Variants in KLHL13 observed in about 807,000 individuals in gnomAD.
KLHL13 encodes kelch-like protein 13.
A neutral mutation model predicts 37.1 loss-of-function variants in KLHL13; 10 were observed. That is an observed-to-expected ratio of 0.27 (90% CI 0.17 to 0.46). The LOEUF (loss-of-function observed/expected upper bound fraction) is 0.46. KLHL13 is among the 20% of genes least tolerant of loss of function. The probability of loss-of-function intolerance (pLI) is 1.00; values close to 1 mark genes in which losing one functional copy is unlikely to be tolerated. For synonymous variants in KLHL13, 163 were observed against 181.2 expected, an observed-to-expected ratio of 0.90 and a Z score of 0.81; for missense variants, 360 against 509.3, an observed-to-expected ratio of 0.71 and a Z score of 2.82.
At chrX:117,938,695 T>G (rs1468143031) in intron 2 of KLHL13, among the ~76,000 whole-genome samples, 1 of 111,592 alleles carries the variant, frequency 9.0e-6, no homozygotes, top group Admixed American at 9.5e-5. Flanking sequence ...TTACATTAGG[T>G]AGGAGTATAG....
intron 1 of KLHL13, among the ~76,000 whole-genome samples, chrX:118,059,439 A>T (rs758731170): frequency 2.7e-5 from 3 of 111,373 alleles, no homozygotes; most frequent in Admixed American, 1.9e-4. Flanking sequence ...AGCTATATCA[A>T]TCATCTTAAC....
chrX:118,007,370 CAAAAAAAAA>C (rs57382655), intron 1 of KLHL13, among the ~76,000 whole-genome samples: 1 of 46,598 alleles, frequency 2.1e-5, no homozygotes, highest in African/African-American at 5.8e-5. Context: ...GAGACCCTGT[CAAAAAAAAA>C]AAAAAAAAAA....
chrX:117,958,247 A>G (rs2053235509), intron 1 of KLHL13, among the ~76,000 whole-genome samples: 1 of 111,864 alleles, frequency 8.9e-6, no homozygotes, highest in Non-Finnish European at 1.9e-5. Flanking sequence ...CTATACATAC[A>G]TAACTACCTG....
At chrX:118,057,399 A>G (rs1020258491) in intron 1 of KLHL13, among the ~76,000 whole-genome samples, 7 of 112,707 alleles carry the variant, frequency 6.2e-5, no homozygotes, top group Non-Finnish European at 1.1e-4. Flanking sequence ...ACTCTTAGAT[A>G]AAAACAAATT....
chrX:117,946,638 A>C (rs1179511888), intron 1 of KLHL13: 3 of 112,230 alleles, frequency 2.7e-5, no homozygotes, highest in Non-Finnish European at 3.8e-5. Context: ...AAGACTGCTA[A>C]AATAGACATT....
At chrX:117,993,341 AGAT>A (rs2053815910) in intron 1 of KLHL13, among the ~76,000 whole-genome samples, 1 of 112,162 alleles carries the variant, frequency 8.9e-6, no homozygotes, top group Non-Finnish European at 1.9e-5. Flanking sequence ...TACTGACTGG[AGAT>A]GATGATAATG....
chrX:118,005,323 T>C (rs1276478901), intron 1 of KLHL13, among the ~76,000 whole-genome samples: 1 of 111,736 alleles, frequency 8.9e-6, no homozygotes, highest in African/African-American at 3.3e-5. Flanking sequence ...TTTTTGAAAA[T>C]AATTTTTTAA....
intron 1 of KLHL13, among the ~76,000 whole-genome samples, chrX:118,103,673 G>T (rs2055313588): frequency 9.0e-6 from 1 of 111,078 alleles, no homozygotes; most frequent in Non-Finnish European, 1.9e-5. Context: ...TAATTATTTA[G>T]TCTGAAAGAT....
At chrX:118,031,175 G>C (rs777133864) in intron 1 of KLHL13, among the ~76,000 whole-genome samples, 1 of 109,798 alleles carries the variant, frequency 9.1e-6, no homozygotes, top group South Asian at 3.8e-4. Context: ...GAGTTTTATG[G>C]GAAGAATTAG....
intron 1 of KLHL13, among the ~76,000 whole-genome samples, chrX:118,029,025 A>G (rs1053201776): frequency 2.7e-5 from 3 of 111,633 alleles, no homozygotes; most frequent in Admixed American, 9.6e-5. Flanking sequence ...CAGTTATCAA[A>G]AAAACATAGT....
At chrX:117,941,284 T>C (rs758178572) in intron 2 of KLHL13, among the ~76,000 whole-genome samples, 1 of 111,931 alleles carries the variant, frequency 8.9e-6, no homozygotes, top group Non-Finnish European at 1.9e-5. Context: ...ATCAGCGATA[T>C]TGGCCTGAAA....
intron 1 of KLHL13, among the ~76,000 whole-genome samples, chrX:117,958,466 C>T (rs776757863): frequency 4.2e-4 from 46 of 110,106 alleles, no homozygotes; most frequent in Non-Finnish European, 7.8e-4. Flanking sequence ...GCATAAGGGA[C>T]AACTACTATA....
At chrX:117,963,517 G>A (rs751419621) in intron 1 of KLHL13, among the ~76,000 whole-genome samples, 228 of 109,677 alleles carry the variant, frequency 2.1e-3, no homozygotes, top group African/African-American at 7.1e-3. Context: ...GAATAGTGCC[G>A]CAATAAACAT....
chrX:118,096,174 A>C (rs1215166711), intron 1 of KLHL13, among the ~76,000 whole-genome samples: 2 of 111,723 alleles, frequency 1.8e-5, no homozygotes, highest in Non-Finnish European at 3.8e-5. Context: ...AAATTGATAG[A>C]CTGCTAGCAA....
At chrX:117,934,229 C>T (rs1932651661) in intron 2 of KLHL13, among the ~76,000 whole-genome samples, 1 of 110,925 alleles carries the variant, frequency 9.0e-6, no homozygotes, top group African/African-American at 3.3e-5. Flanking sequence ...GCCCAAACCT[C>T]AGCATCACAC....
At position 118,108,215 on chromosome X, in the gene KLHL13, G is replaced by C. The variant is rs150048523; in HGVS notation, c.-56+8293C>G. Among the ~76,000 whole-genome samples, 869 of 111,921 alleles carry C rather than the reference G, an allele frequency of 7.8e-3. 11 individuals carry two copies. The highest frequency in any genetic ancestry group is 0.026 in the African/African-American group (800 of 30,795). On this transcript the variant is annotated intron_variant, in intron 1 of 6. Transcript: ENST00000371882. ...TCCTTTTACTGAATAGACTGTAAAA[G>C]CACTTCACCTGTAGACGATAAAGAC... is the stretch of plus-strand genomic sequence containing the variant.
At chrX:118,096,414 C>A (rs144070988) in intron 1 of KLHL13, among the ~76,000 whole-genome samples, 1,952 of 111,474 alleles carry the variant, frequency 0.018, 43 homozygotes, top group African/African-American at 0.058. Flanking sequence ...CAATAACAGG[C>A]TCTGAAATTG....
chrX:117,932,645 G>A (rs1001332991), intron 2 of KLHL13, among the ~76,000 whole-genome samples: 8 of 110,895 alleles, frequency 7.2e-5, no homozygotes, highest in Non-Finnish European at 1.3e-4. Context: ...TTAATTCCAC[G>A]TCTTAGCTAT....
chrX:117,975,487 T>C (rs2053587084), upstream of KLHL13, among the ~76,000 whole-genome samples: 1 of 111,709 alleles, frequency 9.0e-6, no homozygotes, highest in African/African-American at 3.3e-5. Flanking sequence ...GCCTTTCAGG[T>C]TGCAGCAATT....
Sources: allele counts gnomAD v4.1 joint callset (sites outside exome capture counted in the v4.1 genomes callset), GRCh38; gene constraint gnomAD v4.1.1; transcripts MANE v1.5; gene names NCBI Gene and HGNC (gene_info 2026-07-23, HGNC 2026-07-21).